Variants in MYO15B observed in about 807,000 individuals in gnomAD.
MYO15B encodes myosin XVB.
Under a neutral mutation model 119.3 loss-of-function variants are expected in MYO15B, and 207 were observed. The ratio of observed to expected loss-of-function variants is 1.73; its 90% CI spans 1.55 to 1.95. MYO15B has a LOEUF of 1.95. Ranked by LOEUF, MYO15B falls within the 30% of genes most tolerant of loss-of-function variation. MYO15B has a pLI of 0.00. For synonymous variants in MYO15B, 966 were observed against 498.9 expected (o/e 1.94, Z -12.48); for missense variants, 2,264 against 1,203.1 (o/e 1.88, Z -13.04).
At chr17:75,623,999 T>C (rs1239838164) in exon 55 of MYO15B, 2 of 702,704 alleles carry the variant, frequency 2.8e-6, no homozygotes, top group East Asian at 5.4e-5. Context: ...ACAGGCTTCT[T>C]CCCCCCGTCG....
In MYO15B at chr17:75,613,394, C is replaced by T. The variant is rs1257868340; in HGVS notation, c.5069C>T (p.Ala1690Val). The T allele has an allele frequency of 1.2e-5, 8 of 672,280 alleles. No homozygotes were observed. The East Asian group carries it at 1.9e-4, about 16-fold the overall frequency. 41.6% of individuals were successfully genotyped at this position (672,280 alleles called of 1,614,324 possible). ...CAGCTGGCCTCGGGGGCCACTCGGG[C>T]CCACCCCCCGACCCAGCTGGAGTGG... The change falls in exon 28 of 64, where the codon GCC (alanine) becomes GTC (valine). Residue 1690 changes from alanine to valine, a missense_variant. Ala to Val is a moderately conservative substitution (Grantham distance 64). Transcript: ENST00000645453.
At chr17:75,619,052 T>A in intron 43 of MYO15B, 91 bp from the exon 44 acceptor site, 2 of 691,972 alleles carry the variant, frequency 2.9e-6, no homozygotes, top group South Asian at 3.0e-5. Context: ...TCCATCGGCC[T>A]CCTCAGGTTT....
intron 21 of MYO15B, among the ~76,000 whole-genome samples, chr17:75,608,569 A>T (rs932846308): frequency 4.0e-5 from 6 of 151,458 alleles, no homozygotes; most frequent in Non-Finnish European, 8.8e-5. Context: ...TGAACCTGGG[A>T]GGCGGAGATT....
exon 64 of MYO15B, chr17:75,626,528 G>T: frequency 1.4e-6 from 1 of 702,732 alleles, no homozygotes; most frequent in Non-Finnish European, 2.6e-6. Flanking sequence ...GCCTCCCCCG[G>T]CCCAAGTCTC....
chr17:75,626,107 C>G (rs546191337), exon 63 of MYO15B: 1 of 703,060 alleles, frequency 1.4e-6, no homozygotes, highest in Non-Finnish European at 2.6e-6. Context: ...TGCCGCATTG[C>G]CCTGAAGAGC....
At position 75,595,323 on chromosome 17, in the gene MYO15B, G is replaced by T. The variant is rs533062897; in HGVS notation, c.3297+351G>T. 2.3e-4 allele frequency among the ~76,000 whole-genome samples: 35 copies of T among 152,288 alleles called. 1 individual carries two copies. The highest frequency in any genetic ancestry group is 7.0e-4 in the African/African-American group (29 of 41,566). ...TCTCTGCTCCCTTTTCTGGTCCTGG[G>T]CTGGGCAGCCTGGGCCGGGAGTGCT... On this transcript the variant is annotated intron_variant, in intron 12 of 63. Coordinates refer to ENST00000645453, the Ensembl canonical transcript of MYO15B.
Position 75,626,145 on chromosome 17 carries a change from CTGGAGGA to C in MYO15B, c.9131_9137del (p.Leu3044ArgfsTer37), listed in dbSNP as rs767832448. Reference sequence around the variant, plus strand: ...GCAGCGGCTCCACCTGCTAAGCCCTCTGGAGGAGAAGGGGCCCCCTGGCCTGGAAGTC... The same window carrying C: ...GCAGCGGCTCCACCTGCTAAGCCCTCGAAGGGGCCCCCTGGCCTGGAAGTC... On this transcript the variant is annotated frameshift_variant, in exon 63 of 64. Transcript: ENST00000645453. LOFTEE classifies it high-confidence loss of function. 3.3e-4 allele frequency: 235 copies of C among 703,086 alleles called. 1 individual carries two copies. Among genetic ancestry groups the C allele is most frequent in the South Asian group, 9.5e-4 (64 of 67,608 alleles). 43.6% of individuals were successfully genotyped at this position (703,086 alleles called of 1,614,324 possible).
chr17:75,625,545 C>T (rs903398621), exon 61 of MYO15B: 6 of 702,964 alleles, frequency 8.5e-6, no homozygotes, highest in East Asian at 2.7e-5. Flanking sequence ...TGCTAGCTTA[C>T]GTGCCAAAGC....
chr17:75,611,887 C>A, exon 25 of MYO15B: 1 of 702,946 alleles, frequency 1.4e-6, no homozygotes. Flanking sequence ...TGTTCCCAGG[C>A]CATCGGGACG....
intron 14 of MYO15B, among the ~76,000 whole-genome samples, chr17:75,598,572 T>C (rs980522938): frequency 6.6e-6 from 1 of 150,566 alleles, no homozygotes; most frequent in South Asian, 2.1e-4. Flanking sequence ...AAAACAATGG[T>C]AAAATCATCA....
At chr17:75,592,359 G>T (rs1274981148) in intron 7 of MYO15B, 58 bp downstream of exon 7, 2 of 700,240 alleles carry the variant, frequency 2.9e-6, no homozygotes, top group African/African-American at 1.7e-5. Flanking sequence ...AGGGCAGAGG[G>T]TGTCACTGTC....
At chr17:75,608,044 C>T (rs1240552869) in intron 21 of MYO15B, among the ~76,000 whole-genome samples, 2 of 152,114 alleles carry the variant, frequency 1.3e-5, no homozygotes, top group South Asian at 2.1e-4. Flanking sequence ...GGACTAATGA[C>T]GTTGAGCATC....
Position 75,589,547 on chromosome 17 carries a change from T to C in MYO15B, c.1490T>C (p.Leu497Pro). 2.5e-6 allele frequency: 1 copy of C among 398,792 alleles called. No individual in the cohort carries two copies. Among genetic ancestry groups the C allele is most frequent in the Non-Finnish European group, 4.4e-6 (1 of 226,148 alleles). 24.7% of individuals were successfully genotyped at this position (398,792 alleles called of 1,614,324 possible). The change falls in exon 1 of 64, where the codon CTA becomes CCA. Residue 497 changes from leucine (L) to proline (P), a missense_variant. Physicochemically the swap from Leu to Pro is moderately conservative, Grantham distance 98 (BLOSUM62 -3). Coordinates refer to ENST00000645453, the Ensembl canonical transcript of MYO15B. This position sits in a 1 kb window ranked among gnomAD's most constrained non-coding sequence, Gnocchi z 4.2. The stretch of plus-strand genomic sequence containing the variant: ...CGTGAGCCCGGGCTGCGGCACCGTC[T>C]AGCGTTGCGCCTGGCTGGCTTAGCA...
exon 5 of MYO15B, chr17:75,591,710 C>A: frequency 2.8e-6 from 2 of 702,942 alleles, no homozygotes; most frequent in South Asian, 3.0e-5. Flanking sequence ...CCGAGAGTGT[C>A]AGGTGAGGGC....
chr17:75,621,922 G>C, intron 52 of MYO15B, 82 bp from the exon 53 acceptor site: 2 of 671,600 alleles, frequency 3.0e-6, no homozygotes, highest in Non-Finnish European at 5.5e-6. Flanking sequence ...GGCAGGTGAA[G>C]GCCCTGCACA....
At chr17:75,594,565 G>A (rs1040036841) in exon 10 of MYO15B, 1 of 654,510 alleles carries the variant, frequency 1.5e-6, no homozygotes, top group African/African-American at 1.8e-5. Context: ...GTGCCTGGAG[G>A]GGGCTGTCAC....
At chr17:75,605,436 TA>T (rs35859106) in intron 19 of MYO15B, 67 bp from the exon 20 acceptor site, 7,095 of 547,516 alleles carry the variant, frequency 0.013, no homozygotes, top group South Asian at 0.02. Context: ...GACTCCGTCT[TA>T]AAAAAAAAAA....
Position 75,611,672 on chromosome 17 carries a change from G to T in MYO15B, c.4504+14G>T, listed in dbSNP as rs1359321169. ...AGACGGCGGAAAGTGAGTCTTGTTG[G>T]TGTCCTCTTGTTAGGACTCCTTCTC... On this transcript the variant is annotated intron_variant, in intron 24 of 63. Coordinates refer to ENST00000645453, the Ensembl canonical transcript of MYO15B. 10 of 702,742 alleles carry T rather than the reference G, an allele frequency of 1.4e-5. No individual in the cohort carries two copies. The highest frequency in any genetic ancestry group is 1.7e-5 in the African/African-American group (1 of 57,318). 43.5% of individuals were successfully genotyped at this position (702,742 alleles called of 1,614,324 possible). A position where few individuals can be genotyped will look rare whatever the true frequency, so the allele number is the denominator to read the frequency against.
chr17:75,626,627 G>A, exon 64 of MYO15B: 1 of 628,824 alleles, frequency 1.6e-6, no homozygotes, highest in Non-Finnish European at 2.9e-6. Context: ...AGGCCATGAG[G>A]CAGGGGCTGC....
Sources: gnomAD v4.1 joint callset for allele counts (sites outside exome capture counted in the v4.1 genomes callset) on GRCh38, gnomAD v4.1.1 for gene constraint, Gnocchi (gnomAD v3.1) non-coding constraint, MANE v1.5 for transcripts, NCBI Gene and HGNC (gene_info 2026-07-23, HGNC 2026-07-21) for gene names.